OCA2: variants seen among roughly 807,000 people sequenced by gnomAD.
OCA2 encodes the protein P protein.
Under a neutral mutation model 100.2 loss-of-function variants are expected in OCA2, and 77 were observed. That is an observed-to-expected ratio of 0.77 (90% confidence interval 0.64 to 0.93). The LOEUF is 0.93. OCA2 is among the 40% of genes least tolerant of loss of function. The pLI, the probability that OCA2 is intolerant of heterozygous loss-of-function variation, is 0.00. For synonymous variants in OCA2, 432 were observed against 439.2 expected (o/e 0.98, Z 0.21); for missense variants, 1,062 against 1,089.1 (o/e 0.98, Z 0.35).
chr15:27,824,372 A>G (rs1179299531), intron 23 of OCA2, among the ~76,000 whole-genome samples: 1 of 152,000 alleles, frequency 6.6e-6, no homozygotes, highest in Non-Finnish European at 1.5e-5. Flanking sequence ...CTGTCTCAAA[A>G]AAACAAAAGA....
intron 12 of OCA2, among the ~76,000 whole-genome samples, chr15:27,985,717 G>C (rs903512234): frequency 3.3e-5 from 5 of 149,344 alleles, no homozygotes; most frequent in Admixed American, 6.7e-5. Flanking sequence ...TTTTGAGACA[G>C]AGTCTCACTC....
At chr15:27,801,998 A>C (rs2033634628) in intron 23 of OCA2, among the ~76,000 whole-genome samples, 1 of 152,160 alleles carries the variant, frequency 6.6e-6, no homozygotes, top group African/African-American at 2.4e-5. Context: ...CAAGAAAAAA[A>C]GTAGTGACAT....
At chr15:28,091,849 G>A (rs1019605689) in intron 1 of OCA2, among the ~76,000 whole-genome samples, 5 of 152,124 alleles carry the variant, frequency 3.3e-5, no homozygotes, top group African/African-American at 1.2e-4. Flanking sequence ...CCAGCTACTT[G>A]GGAGGCTGAA....
intron 19 of OCA2, among the ~76,000 whole-genome samples, chr15:27,889,777 G>C (rs896522997): frequency 2.6e-5 from 4 of 152,178 alleles, no homozygotes; most frequent in Non-Finnish European, 4.4e-5. Context: ...TACCTGTTTG[G>C]TCACTGGCTC....
chr15:27,779,127 A>G (rs1595396288), intron 23 of OCA2, among the ~76,000 whole-genome samples: 1 of 152,256 alleles, frequency 6.6e-6, no homozygotes, highest in East Asian at 1.9e-4. Flanking sequence ...ATGTGGTCAG[A>G]AAAGATCCTT....
At chr15:28,034,992 A>C (rs2043007930) in intron 2 of OCA2, among the ~76,000 whole-genome samples, 1 of 152,126 alleles carries the variant, frequency 6.6e-6, no homozygotes, top group African/African-American at 2.4e-5. Flanking sequence ...AGGAGAGTGG[A>C]GGCGCTATTG....
chr15:27,828,219 T>A (rs1210909299), intron 23 of OCA2, among the ~76,000 whole-genome samples: 2 of 152,144 alleles, frequency 1.3e-5, no homozygotes, highest in African/African-American at 4.8e-5. Flanking sequence ...AGTGCTGAAG[T>A]CGCCCTCTTT....
At chr15:27,898,925 A>C (rs1205936422) in intron 19 of OCA2, among the ~76,000 whole-genome samples, 1 of 152,236 alleles carries the variant, frequency 6.6e-6, no homozygotes, top group Non-Finnish European at 1.5e-5. Flanking sequence ...CCAGAAGATA[A>C]AACAGGAAGG....
intron 15 of OCA2, among the ~76,000 whole-genome samples, chr15:27,966,066 G>A (rs540675906): frequency 1.3e-5 from 2 of 152,310 alleles, no homozygotes; most frequent in South Asian, 2.1e-4. Context: ...CACCTCCTGG[G>A]TTCAAGCAAT....
intron 19 of OCA2, among the ~76,000 whole-genome samples, chr15:27,906,305 A>G (rs2038174774): frequency 1.3e-5 from 2 of 152,230 alleles, no homozygotes; most frequent in Non-Finnish European, 2.9e-5. Context: ...ATATGCAACA[A>G]CTATTATGTA....
chr15:28,085,667 T>G (rs1205470002), intron 1 of OCA2, among the ~76,000 whole-genome samples: 2 of 125,612 alleles, frequency 1.6e-5, no homozygotes, highest in South Asian at 2.7e-4. Context: ...CCGCCCAGAC[T>G]GCACTGTTGC....
chr15:27,926,352 T>C (rs559487647), intron 18 of OCA2, 98 bp from the exon 19 acceptor site: 12 of 1,311,254 alleles, frequency 9.2e-6, no homozygotes, highest in African/African-American at 2.9e-5. Context: ...TCAAGAATAA[T>C]TGTCATACTA....
intron 2 of OCA2, among the ~76,000 whole-genome samples, chr15:28,065,622 T>C (rs1156605176): frequency 1.3e-5 from 2 of 152,118 alleles, no homozygotes; most frequent in East Asian, 3.9e-4. Context: ...GAATAAGAGC[T>C]TGGAACTGCT....
At chr15:27,768,392 C>T (rs1036487192) in intron 23 of OCA2, among the ~76,000 whole-genome samples, 4 of 152,230 alleles carry the variant, frequency 2.6e-5, no homozygotes, top group African/African-American at 9.6e-5. Flanking sequence ...CCTGCCCCCA[C>T]ACCCAGGGGC....
At chr15:27,725,604 G>A in the OCA2 span, among the ~76,000 whole-genome samples, 3 of 152,178 alleles carry the variant, frequency 2.0e-5, no homozygotes, top group South Asian at 4.1e-4. Flanking sequence ...AAAAACCTAC[G>A]TTTCTCAACA....
chr15:28,027,034 C>G (rs1165329307), intron 4 of OCA2, among the ~76,000 whole-genome samples: 1 of 152,222 alleles, frequency 6.6e-6, no homozygotes, highest in African/African-American at 2.4e-5. Context: ...TGGAAGCCCA[C>G]TGGTCCCGGC....
chr15:27,858,780 G>T (rs546176514), intron 21 of OCA2, among the ~76,000 whole-genome samples: 55 of 152,088 alleles, frequency 3.6e-4, no homozygotes, highest in Non-Finnish European at 6.3e-4. Flanking sequence ...TATTCCCCAA[G>T]ATAGACCACA....
intron 15 of OCA2, 76 bp downstream of exon 15, chr15:27,966,614 T>C: frequency 6.4e-7 from 1 of 1,559,148 alleles, no homozygotes; most frequent in Non-Finnish European, 8.8e-7. Flanking sequence ...TACTTCCTAA[T>C]AAGAACTTCT....
chr15:27,752,786 G>C (rs1203896544), downstream of OCA2, among the ~76,000 whole-genome samples: 3 of 94,826 alleles, frequency 3.2e-5, no homozygotes, highest in East Asian at 1.3e-3. Flanking sequence ...TGCATCTCCA[G>C]GTCCTGGTCC....
Sources: allele counts gnomAD v4.1 joint callset (sites outside exome capture counted in the v4.1 genomes callset), GRCh38; gene constraint gnomAD v4.1.1; transcripts MANE v1.5; gene names NCBI Gene and HGNC (gene_info 2026-07-23, HGNC 2026-07-21).